Variants in SEL1L2 observed in about 807,000 individuals in gnomAD.
SEL1L2 encodes the protein protein sel-1 homolog 2.
Under a neutral mutation model 98.8 loss-of-function variants are expected in SEL1L2, and 89 were observed. The ratio of observed to expected loss-of-function variants is 0.90; its 90% confidence interval spans 0.76 to 1.07. The LOEUF is 1.07. Ranked by LOEUF, SEL1L2 falls within the 50% of genes least tolerant of loss-of-function variation. The pLI, the probability that SEL1L2 is intolerant of heterozygous loss-of-function variation, is 0.00. For synonymous variants in SEL1L2, 262 were observed against 278.5 expected, an observed-to-expected ratio of 0.94 and a Z score of 0.59; for missense variants, 788 against 812.0, an observed-to-expected ratio of 0.97 and a Z score of 0.36.
At chr20:13,870,963 T>G (rs1001315644) in intron 12 of SEL1L2, among the ~76,000 whole-genome samples, 1 of 151,138 alleles carries the variant, frequency 6.6e-6, no homozygotes, top group Non-Finnish European at 1.5e-5. Flanking sequence ...TTGAGAGTGT[T>G]GCAGACACCT....
intron 2 of SEL1L2, among the ~76,000 whole-genome samples, chr20:13,934,448 T>TATATATATATTCCATATATATATTCC (rs1568998116): frequency 2.0e-5 from 1 of 49,058 alleles, no homozygotes; most frequent in Admixed American, 2.4e-4. Context: ...ATATATTCCA[T>TATATATATATTCCATATATATATTCC]ATATATATAT....
intron 18 of SEL1L2, among the ~76,000 whole-genome samples, chr20:13,853,981 T>A (rs918740025): frequency 6.6e-6 from 1 of 152,246 alleles, no homozygotes; most frequent in African/African-American, 2.4e-5. Context: ...TGAAAAGTTA[T>A]GATCATTTCT....
intron 1 of SEL1L2, among the ~76,000 whole-genome samples, chr20:13,967,324 G>C (rs1303939565): frequency 6.6e-6 from 1 of 152,092 alleles, no homozygotes; most frequent in African/African-American, 2.4e-5. Context: ...GCTTTTTCTT[G>C]CTCTGATCAC....
intron 1 of SEL1L2, among the ~76,000 whole-genome samples, chr20:13,968,086 C>T (rs934333194): frequency 2.0e-5 from 3 of 152,248 alleles, no homozygotes; most frequent in Middle Eastern, 3.4e-3. Flanking sequence ...AAAGATATTT[C>T]GTAGTCTTTT....
At chr20:13,899,946 A>T (rs1453479790) in intron 5 of SEL1L2, among the ~76,000 whole-genome samples, 2 of 152,210 alleles carry the variant, frequency 1.3e-5, no homozygotes, top group African/African-American at 4.8e-5. Context: ...GGTGTTCATA[A>T]ATGAAATCTG....
intron 1 of SEL1L2, among the ~76,000 whole-genome samples, chr20:13,973,639 C>T (rs2051387625): frequency 3.9e-5 from 6 of 152,176 alleles, no homozygotes. Context: ...ACAAATGCTC[C>T]CACCTAATGG....
In SEL1L2 at chr20:13,976,918, C is replaced by T. The variant is rs555866998; in HGVS notation, c.58+13559G>A. Among the ~76,000 whole-genome samples, 19 of 152,196 alleles carry T rather than the reference C, an allele frequency of 1.2e-4. No individual in the cohort carries two copies. The South Asian group carries it at 1.7e-3, about 13-fold the overall frequency. On this transcript the variant is annotated intron_variant, in intron 1 of 19. Coordinates refer to ENST00000284951, the MANE Select transcript of SEL1L2 (RefSeq NM_025229.2). ...CTAGATTTAGCTTTGCAAGATGACCCGGGAGAAGCAATTTCACCATGGTGG... is the reference window on the plus strand; with the variant it reads ...CTAGATTTAGCTTTGCAAGATGACCTGGGAGAAGCAATTTCACCATGGTGG...
intron 10 of SEL1L2, among the ~76,000 whole-genome samples, chr20:13,885,070 G>A (rs2046887282): frequency 6.6e-6 from 1 of 152,084 alleles, no homozygotes; most frequent in South Asian, 2.1e-4. Context: ...GCGTGTGAGT[G>A]CGCAGAACTA....
At chr20:13,881,992 C>T (rs549235557) in intron 10 of SEL1L2, among the ~76,000 whole-genome samples, 2 of 152,098 alleles carry the variant, frequency 1.3e-5, no homozygotes, top group Admixed American at 1.3e-4. Context: ...CTGGTTTGAT[C>T]ATTACATAAT....
At chr20:13,964,447 A>ATTTTTT (rs369646828) in intron 1 of SEL1L2, among the ~76,000 whole-genome samples, 2 of 111,468 alleles carry the variant, frequency 1.8e-5, no homozygotes, top group African/African-American at 7.2e-5. Flanking sequence ...CTATCTCTTC[A>ATTTTTT]TTTTTTTTTT....
chr20:13,907,201 A>G (rs1214984508), intron 5 of SEL1L2, among the ~76,000 whole-genome samples: 1 of 152,194 alleles, frequency 6.6e-6, no homozygotes, highest in African/African-American at 2.4e-5. Context: ...TCTAAGTTAA[A>G]TATTTTTTTC....
chr20:13,951,539 C>T (rs1160320614), intron 2 of SEL1L2, among the ~76,000 whole-genome samples: 2 of 135,412 alleles, frequency 1.5e-5, no homozygotes, highest in Non-Finnish European at 3.1e-5. Context: ...GTGGAGGTTG[C>T]AGTGAGCCGA....
chr20:13,931,084 C>T (rs897826552), intron 3 of SEL1L2, among the ~76,000 whole-genome samples: 1 of 151,346 alleles, frequency 6.6e-6, no homozygotes, highest in Admixed American at 6.6e-5. Context: ...CGCTGTGTCA[C>T]CCAGGCTGGA....
At chr20:13,850,346 A>C in intron 18 of SEL1L2, 27 bp from the exon 19 acceptor site, 1 of 1,612,880 alleles carries the variant, frequency 6.2e-7, no homozygotes, top group Non-Finnish European at 8.5e-7. Flanking sequence ...AGCCCTACCC[A>C]TCAGATTCTG....
chr20:13,901,851 C>A (rs1020343166), intron 5 of SEL1L2, among the ~76,000 whole-genome samples: 2 of 151,798 alleles, frequency 1.3e-5, no homozygotes, highest in Admixed American at 6.6e-5. Context: ...TTAGTAGAGA[C>A]GGGGTTTCAC....
rs973366060 is a variant in SEL1L2, at chr20:13,850,115, G to C, written c.1947+76C>G. The stretch of plus-strand genomic sequence containing the variant: ...CCAGTCCACAAGAGACTCCCTGATG[G>C]GCCTTGTCACTTTGTCCCTAAGAGT... On this transcript the variant is annotated intron_variant, in intron 19 of 19. Transcript: ENST00000284951. The C allele has an allele frequency of 5.1e-6, 8 of 1,556,924 alleles. No homozygotes were observed. The Admixed American group carries it at 1.4e-4, about 27-fold the overall frequency.
chr20:13,859,506 A>G, intron 17 of SEL1L2, 72 bp from the exon 18 acceptor site: 1 of 1,346,184 alleles, frequency 7.4e-7, no homozygotes, highest in Non-Finnish European at 1.0e-6. Flanking sequence ...AATTCAACCT[A>G]GTAATCTTGT....
chr20:13,866,619 G>T (rs1991075660), intron 15 of SEL1L2, 83 bp downstream of exon 15: 1 of 1,121,090 alleles, frequency 8.9e-7, no homozygotes, highest in Non-Finnish European at 1.2e-6. Context: ...TAAAATCAAA[G>T]ACACCAACAA....
chr20:13,981,196 C>T lies in SEL1L2; in HGVS notation c.58+9281G>A, dbSNP rs183257632. ...GGTGGAGGTTGCAGTGAGCCGAGAT[C>T]GTGCCATTGCACTCCAGCCTGGGCA... On this transcript the variant is annotated intron_variant, in intron 1 of 19. Coordinates refer to ENST00000284951, the MANE Select transcript of SEL1L2 (RefSeq NM_025229.2). Among the ~76,000 whole-genome samples, 304 of 152,128 alleles carry T rather than the reference C, an allele frequency of 2.0e-3. 2 individuals carry two copies. Among genetic ancestry groups the T allele is most frequent in the East Asian group, 0.018 (92 of 5,162 alleles).
Sources: gnomAD v4.1 joint callset for allele counts (sites outside exome capture counted in the v4.1 genomes callset) on GRCh38, gnomAD v4.1.1 for gene constraint, MANE v1.5 for transcripts, NCBI Gene and HGNC (gene_info 2026-07-23, HGNC 2026-07-21) for gene names.